Variants in SNX27 observed in about 807,000 individuals in gnomAD.
SNX27 encodes sorting nexin 27.
A neutral mutation model predicts 71.6 loss-of-function variants in SNX27; 22 were observed. That is an observed-to-expected ratio of 0.31 (90% CI 0.22 to 0.44). The LOEUF (loss-of-function observed/expected upper bound fraction) is 0.44, where lower values mean the gene tolerates loss of function less well. SNX27 is among the 20% of genes least tolerant of loss of function. The pLI is 1.00. For missense variants in SNX27, 531 were observed against 698.6 expected (o/e 0.76, Z 2.70); for synonymous variants, 269 against 277.2 (o/e 0.97, Z 0.29).
At chr1:151,634,324 G>A (rs1668377167) in intron 1 of SNX27, among the ~76,000 whole-genome samples, 1 of 152,150 alleles carries the variant, frequency 6.6e-6, no homozygotes, top group Admixed American at 6.5e-5. Flanking sequence ...GGTCAAAATA[G>A]TATTTTGCTT....
chr1:151,668,457 TTG>T lies in SNX27; in HGVS notation c.986-13_986-12del, dbSNP rs2102695222. The T allele has an allele frequency of 6.2e-6, 10 of 1,602,230 alleles. No individual in the cohort carries two copies. The highest frequency in any genetic ancestry group is 8.5e-6 in the Non-Finnish European group (10 of 1,176,006). On this transcript the variant is annotated splice_polypyrimidine_tract_variant and intron_variant, in intron 6 of 11. Coordinates refer to ENST00000458013, the MANE Select transcript of SNX27 (RefSeq NM_001330723.2). Reference sequence around the variant, plus strand: ...TCTTTTCACTCCAGCTTTCTGTGTTTTGTCTTTCCTTTAGTACGTAAATTGGC... The same window carrying T: ...TCTTTTCACTCCAGCTTTCTGTGTTTTCTTTCCTTTAGTACGTAAATTGGC...
Position 151,666,019 on chromosome 1 carries a change from C to A in SNX27, c.985+8C>A. 1 of 1,600,410 alleles carries A rather than the reference C, an allele frequency of 6.2e-7. No homozygotes were observed. Among genetic ancestry groups the A allele is most frequent in the Non-Finnish European group, 8.5e-7 (1 of 1,169,664 alleles). ...TGATCAGTCACTCCTTTGGTAAGTA[C>A]CAGTGGCTGATACTAAGTTTTGTTT... On this transcript the variant is annotated splice_region_variant and intron_variant, in intron 6 of 11. Transcript: ENST00000458013.
At chr1:151,637,153 G>GTTTTTTTTTTTTTTTTTTTTTTTTTT (rs200938062) in intron 1 of SNX27, among the ~76,000 whole-genome samples, 2 of 64,082 alleles carry the variant, frequency 3.1e-5, no homozygotes, top group Non-Finnish European at 3.3e-5. Flanking sequence ...AGTTGATCAC[G>GTTTTTTTTTTTTTTTTTTTTTTTTTT]TTTTTTTTGT....
At chr1:151,631,428 T>G (rs1267344973) in intron 1 of SNX27, among the ~76,000 whole-genome samples, 6 of 152,202 alleles carry the variant, frequency 3.9e-5, no homozygotes, top group Non-Finnish European at 8.8e-5. Flanking sequence ...TCACCCTAAC[T>G]CAACTATTTT....
intron 2 of SNX27, among the ~76,000 whole-genome samples, chr1:151,650,670 A>G (rs1473344243): frequency 2.0e-5 from 3 of 152,056 alleles, no homozygotes; most frequent in Non-Finnish European, 4.4e-5. Flanking sequence ...GCAGGGTCAT[A>G]GGACAATAGT....
At chr1:151,636,165 A>G (rs188319800) in intron 1 of SNX27, among the ~76,000 whole-genome samples, 60 of 152,366 alleles carry the variant, frequency 3.9e-4, no homozygotes, top group African/African-American at 1.4e-3. Flanking sequence ...AGTGCCCTAG[A>G]TAAAAAATTC....
intron 5 of SNX27, among the ~76,000 whole-genome samples, chr1:151,663,306 A>G (rs902924598): frequency 1.3e-5 from 2 of 151,406 alleles, no homozygotes; most frequent in Non-Finnish European, 2.9e-5. Context: ...GCCCACCACC[A>G]CGCCCGGCTA....
intron 2 of SNX27, among the ~76,000 whole-genome samples, chr1:151,654,466 G>A (rs1020343359): frequency 6.6e-6 from 1 of 151,692 alleles, no homozygotes; most frequent in Admixed American, 6.6e-5. Context: ...GAGGAACCTG[G>A]GCCTAATATG....
At chr1:151,646,946 G>C (rs1432275191) in intron 2 of SNX27, among the ~76,000 whole-genome samples, 1 of 151,364 alleles carries the variant, frequency 6.6e-6, no homozygotes, top group Non-Finnish European at 1.5e-5. Flanking sequence ...ACTTACAAGA[G>C]TATATTTCCC....
intron 2 of SNX27, among the ~76,000 whole-genome samples, chr1:151,656,707 C>G (rs1045327903): frequency 1.3e-5 from 2 of 152,164 alleles, no homozygotes; most frequent in African/African-American, 4.8e-5. Context: ...AATCCAGAAA[C>G]AACCCAAGTG....
chr1:151,694,704 C>T lies in SNX27; in HGVS notation c.*287C>T. ...AGGTATCTTTGTCCTTTCACCTGGG[C>T]CTCATACCAACAGCCTCTCCTTGTA... On this transcript the variant is annotated 3_prime_UTR_variant, in exon 12 of 12. Coordinates refer to ENST00000458013, the MANE Select transcript of SNX27 (RefSeq NM_001330723.2). 1 of 343,926 alleles carries T rather than the reference C, an allele frequency of 2.9e-6. No individual in the cohort carries two copies. Among genetic ancestry groups the T allele is most frequent in the East Asian group, 5.0e-5 (1 of 19,930 alleles). 21.3% of individuals were successfully genotyped at this position (343,926 alleles called of 1,614,324 possible).
At chr1:151,624,134 T>A (rs1303466797) in intron 1 of SNX27, among the ~76,000 whole-genome samples, 3 of 151,954 alleles carry the variant, frequency 2.0e-5, no homozygotes, top group East Asian at 1.9e-4. Context: ...AGCTCATTTT[T>A]AAAAATTTTT....
At chr1:151,653,128 T>C (rs1669495406) in intron 2 of SNX27, among the ~76,000 whole-genome samples, 1 of 152,110 alleles carries the variant, frequency 6.6e-6, no homozygotes, top group South Asian at 2.1e-4. Flanking sequence ...GGTTTCTCCA[T>C]GTTGGTCAGG....
At chr1:151,669,616 G>A (rs955749600) in intron 7 of SNX27, among the ~76,000 whole-genome samples, 10 of 152,188 alleles carry the variant, frequency 6.6e-5, no homozygotes, top group Non-Finnish European at 1.3e-4. Flanking sequence ...GGCCTTCTGG[G>A]ATTGCCCTTC....
chr1:151,623,477 T>G (rs768798529), intron 1 of SNX27, among the ~76,000 whole-genome samples: 71 of 151,912 alleles, frequency 4.7e-4, no homozygotes, highest in Non-Finnish European at 7.9e-4. Context: ...TGTTGGCCAG[T>G]CTGGTCTTCT....
intron 1 of SNX27, among the ~76,000 whole-genome samples, chr1:151,625,858 G>A (rs1485554971): frequency 6.6e-6 from 1 of 151,842 alleles, no homozygotes; most frequent in Non-Finnish European, 1.5e-5. Context: ...TGAGGCAGGA[G>A]AATTGCTTGA....
intron 1 of SNX27, among the ~76,000 whole-genome samples, chr1:151,637,124 C>T (rs1449889684): frequency 6.6e-6 from 1 of 150,486 alleles, no homozygotes; most frequent in African/African-American, 2.4e-5. Flanking sequence ...TCCATTTTAC[C>T]ATGCTGGTAT....
chr1:151,669,008 A>G (rs1188664355), intron 7 of SNX27: 2 of 156,884 alleles, frequency 1.3e-5, no homozygotes, highest in Non-Finnish European at 2.8e-5. Flanking sequence ...ACTTATTTCC[A>G]TCTCCCCCCA....
At position 151,612,402 on chromosome 1, in the gene SNX27, G is replaced by T; in HGVS notation, c.201G>T (p.Leu67=). 1 of 1,522,218 alleles carries T rather than the reference G, an allele frequency of 6.6e-7. No homozygotes were observed. Among genetic ancestry groups the T allele is most frequent in the East Asian group, 2.7e-5 (1 of 36,934 alleles). The allele number at this position is 1,522,218 out of a possible 1,614,324, so 94.3% of individuals were successfully genotyped here. The part of the protein sequence containing the change: ...VRGQVSEGGQ[L]RSINGELYAP... ...GCCAAGTGAGCGAGGGCGGGCAACT[G>T]CGGAGCATCAACGGGGAGCTGTACG... Residue 67 remains leucine, a synonymous_variant, in exon 1 of 12, where the codon CTG becomes CTT. Coordinates refer to ENST00000458013, the MANE Select transcript of SNX27 (RefSeq NM_001330723.2). The surrounding 1 kb of genome is among the most constrained non-coding windows in gnomAD (Gnocchi z 5.2).
Sources: allele counts gnomAD v4.1 joint callset (sites outside exome capture counted in the v4.1 genomes callset), GRCh38; gene constraint gnomAD v4.1.1; non-coding constraint Gnocchi (gnomAD v3.1); transcripts MANE v1.5; gene names NCBI Gene and HGNC (gene_info 2026-07-23, HGNC 2026-07-21).